Variants in CFAP299 observed in about 807,000 individuals in gnomAD.
CFAP299 encodes cilia and flagella associated protein 299.
A neutral mutation model predicts 27.0 loss-of-function variants in CFAP299; 21 were observed. That is an observed-to-expected ratio of 0.78 (90% CI 0.55 to 1.12). The LOEUF (loss-of-function observed/expected upper bound fraction) is 1.12. CFAP299 is among the 50% of genes most tolerant of loss of function. CFAP299 has a pLI of 0.00. For missense variants in CFAP299, 310 were observed against 276.6 expected (o/e 1.12, Z -0.86); for synonymous variants, 104 against 98.1 (o/e 1.06, Z -0.36).
At chr4:80,858,948 CA>C (rs1264300766) in intron 3 of CFAP299, among the ~76,000 whole-genome samples, 2 of 152,084 alleles carry the variant, frequency 1.3e-5, no homozygotes, top group African/African-American at 4.8e-5. Flanking sequence ...GAGCTGAGTT[CA>C]ATTCCTGGGT....
chr4:80,904,199 C>T (rs1261197042), intron 4 of CFAP299, among the ~76,000 whole-genome samples: 2 of 152,162 alleles, frequency 1.3e-5, no homozygotes, highest in Non-Finnish European at 2.9e-5. Context: ...TTAATCCTCA[C>T]ATTAACCGTA....
At chr4:80,623,256 T>C (rs1738698315) in intron 3 of CFAP299, among the ~76,000 whole-genome samples, 2 of 137,670 alleles carry the variant, frequency 1.5e-5, no homozygotes, top group African/African-American at 6.6e-5. Context: ...AGTAAACTAA[T>C]CGATGTTAAG....
intron 2 of CFAP299, among the ~76,000 whole-genome samples, chr4:80,371,139 C>A (rs1724129240): frequency 1.3e-5 from 2 of 152,238 alleles, no homozygotes; most frequent in African/African-American, 4.8e-5. Context: ...TCCTCTGGAA[C>A]AATGGCCTGA....
intron 3 of CFAP299, among the ~76,000 whole-genome samples, chr4:80,776,251 C>T (rs1726534074): frequency 6.6e-6 from 1 of 152,092 alleles, no homozygotes. Flanking sequence ...GCCAGAAGCT[C>T]ATCAACCTGC....
At chr4:80,922,415 G>A (rs1736091363) in intron 4 of CFAP299, among the ~76,000 whole-genome samples, 1 of 151,926 alleles carries the variant, frequency 6.6e-6, no homozygotes, top group Admixed American at 6.6e-5. Context: ...AATTTTCAAT[G>A]TTGTTCTTCA....
At chr4:80,378,986 T>C (rs531147895) in intron 2 of CFAP299, among the ~76,000 whole-genome samples, 2 of 152,104 alleles carry the variant, frequency 1.3e-5, no homozygotes, top group African/African-American at 2.4e-5. Context: ...TTACTTGCTC[T>C]TCTACTTTTT....
chr4:80,695,484 G>T (rs1199057228), intron 3 of CFAP299, among the ~76,000 whole-genome samples: 2 of 152,106 alleles, frequency 1.3e-5, no homozygotes, highest in Non-Finnish European at 2.9e-5. Flanking sequence ...TCTACATGGA[G>T]AATAAGACCC....
Position 80,853,223 on chromosome 4 carries a change from G to A in CFAP299, c.334-16770G>A, listed in dbSNP as rs542993460. On this transcript the variant is annotated intron_variant, in intron 3 of 5. Coordinates refer to ENST00000358105, the MANE Select transcript of CFAP299 (RefSeq NM_152770.3). Reference sequence around the variant, plus strand: ...TTTTTGTATTTTTAGTAGAGACGGGGTTTTCTCATATTGATCAGGCTGGTC... The same window carrying A: ...TTTTTGTATTTTTAGTAGAGACGGGATTTTCTCATATTGATCAGGCTGGTC... Among the ~76,000 whole-genome samples the A allele has an allele frequency of 3.9e-5, 6 of 152,072 alleles. No homozygotes were observed. In the East Asian group the frequency reaches 1.2e-3, roughly 29 times the overall value.
intron 3 of CFAP299, among the ~76,000 whole-genome samples, chr4:80,816,592 C>G (rs1044204694): frequency 6.6e-6 from 1 of 152,210 alleles, no homozygotes; most frequent in East Asian, 1.9e-4. Context: ...TCGCATATCA[C>G]TATTTTATAA....
At chr4:80,396,780 C>T (rs959401296) in intron 2 of CFAP299, among the ~76,000 whole-genome samples, 5 of 152,140 alleles carry the variant, frequency 3.3e-5, no homozygotes, top group African/African-American at 1.2e-4. Flanking sequence ...ATTTGGGTTG[C>T]CAGTATTTTA....
chr4:80,437,098 A>G (rs1424428192), intron 2 of CFAP299, among the ~76,000 whole-genome samples: 2 of 152,222 alleles, frequency 1.3e-5, no homozygotes, highest in African/African-American at 4.8e-5. Flanking sequence ...AGAGTTAGAT[A>G]ATAACCAGAT....
intron 3 of CFAP299, among the ~76,000 whole-genome samples, chr4:80,662,515 T>A (rs1384186351): frequency 6.6e-6 from 1 of 152,068 alleles, no homozygotes. Flanking sequence ...ATTGTTATAA[T>A]CATCAAATAA....
chr4:80,567,028 AAAAG>A (rs1449601309), intron 2 of CFAP299, among the ~76,000 whole-genome samples: 1 of 152,052 alleles, frequency 6.6e-6, no homozygotes, highest in Non-Finnish European at 1.5e-5. Context: ...AAAAAAAACA[AAAAG>A]AAAAAGTTTT....
At chr4:80,430,659 C>A (rs1727767149) in intron 2 of CFAP299, among the ~76,000 whole-genome samples, 1 of 152,148 alleles carries the variant, frequency 6.6e-6, no homozygotes, top group Admixed American at 6.5e-5. Flanking sequence ...TCAGTTTACT[C>A]CACTCCTCCT....
At chr4:80,466,937 C>T (rs1189456190) in intron 2 of CFAP299, among the ~76,000 whole-genome samples, 1 of 152,214 alleles carries the variant, frequency 6.6e-6, no homozygotes, top group Non-Finnish European at 1.5e-5. Context: ...GAAAGGTAAT[C>T]TCATGCCTCT....
intron 3 of CFAP299, among the ~76,000 whole-genome samples, chr4:80,825,610 A>T (rs951752263): frequency 1.1e-4 from 17 of 150,892 alleles, no homozygotes; most frequent in Non-Finnish European, 2.5e-4. Flanking sequence ...GTGCTCAAAT[A>T]AAAAAAAAGT....
chr4:80,545,718 G>A (rs1339510028), intron 2 of CFAP299, among the ~76,000 whole-genome samples: 1 of 152,130 alleles, frequency 6.6e-6, no homozygotes, highest in Non-Finnish European at 1.5e-5. Flanking sequence ...AAATCAAGGA[G>A]GAGGGACTCC....
At chr4:80,864,328 G>A (rs963916624) in intron 3 of CFAP299, among the ~76,000 whole-genome samples, 1 of 149,948 alleles carries the variant, frequency 6.7e-6, no homozygotes, top group Non-Finnish European at 1.5e-5. Flanking sequence ...TTCTTCAAGG[G>A]GCTCTTTTGA....
chr4:80,799,130 AT>A (rs1324237578), intron 3 of CFAP299, among the ~76,000 whole-genome samples: 1 of 120,572 alleles, frequency 8.3e-6, no homozygotes, highest in East Asian at 3.1e-4. Context: ...TTTATACAAT[AT>A]TTATATATAT....
Sources: allele counts gnomAD v4.1 joint callset (sites outside exome capture counted in the v4.1 genomes callset), GRCh38; gene constraint gnomAD v4.1.1; transcripts MANE v1.5; gene names NCBI Gene and HGNC (gene_info 2026-07-23, HGNC 2026-07-21).